The following KLF12 variants were observed in gnomAD, a reference collection of about 807,000 sequenced individuals.
KLF12 encodes Krueppel-like factor 12.
Under a neutral mutation model 37.8 loss-of-function variants are expected in KLF12, and 9 were observed. The observed-to-expected ratio is 0.24, with a 90% CI of 0.14 to 0.42. The LOEUF is 0.42. Among genes scored for constraint, KLF12 ranks in the 10% least tolerant of loss-of-function variants. The pLI is 1.00. For missense variants in KLF12, 411 were observed against 516.0 expected (o/e 0.80, Z 1.97); for synonymous variants, 208 against 202.1 (o/e 1.03, Z -0.25).
the KLF12 span, among the ~76,000 whole-genome samples, chr13:74,271,172 G>A: frequency 5.9e-5 from 9 of 152,112 alleles, 1 homozygote; most frequent in Admixed American, 6.6e-5. Context: ...GTCTGAGGTG[G>A]AACAGTTTCA....
chr13:73,996,423 T>G (rs1226393551), intron 1 of KLF12, among the ~76,000 whole-genome samples: 1 of 152,210 alleles, frequency 6.6e-6, no homozygotes, highest in Non-Finnish European at 1.5e-5. Flanking sequence ...TCTAATCCAA[T>G]CGGTTCCAAC....
At chr13:73,890,521 T>C (rs540446923) in intron 3 of KLF12, among the ~76,000 whole-genome samples, 1 of 152,242 alleles carries the variant, frequency 6.6e-6, no homozygotes, top group African/African-American at 2.4e-5. Flanking sequence ...GGGGAAATCA[T>C]TTTAATTTTC....
intron 1 of KLF12, among the ~76,000 whole-genome samples, chr13:74,114,676 C>G (rs1877187155): frequency 1.3e-5 from 2 of 152,122 alleles, no homozygotes; most frequent in Non-Finnish European, 2.9e-5. Flanking sequence ...ATGGCAGCAT[C>G]AAGTTGTCAA....
chr13:74,094,598 CTTTTCT>C (rs1183009703), intron 1 of KLF12, among the ~76,000 whole-genome samples: 2 of 148,952 alleles, frequency 1.3e-5, no homozygotes, highest in African/African-American at 2.4e-5. Flanking sequence ...GCTTTTCTAT[CTTTTCT>C]TTTTTTTTTT....
At chr13:73,872,539 T>C (rs1346656442) in intron 3 of KLF12, among the ~76,000 whole-genome samples, 1 of 152,098 alleles carries the variant, frequency 6.6e-6, no homozygotes, top group East Asian at 1.9e-4. Context: ...CAGGAAACTG[T>C]GACCACTGCT....
chr13:74,021,693 G>C (rs1301208299), intron 1 of KLF12, among the ~76,000 whole-genome samples: 2 of 152,156 alleles, frequency 1.3e-5, no homozygotes, highest in Non-Finnish European at 2.9e-5. Context: ...TATTCAGGAA[G>C]TCGCTTGCCA....
intron 3 of KLF12, among the ~76,000 whole-genome samples, chr13:73,928,463 G>A (rs562040426): frequency 6.6e-5 from 10 of 152,246 alleles, no homozygotes; most frequent in Admixed American, 5.2e-4. Context: ...TATGCAAGGG[G>A]TATATACAAA....
chr13:73,879,899 CTT>C (rs1195980666), intron 3 of KLF12, among the ~76,000 whole-genome samples: 1 of 152,180 alleles, frequency 6.6e-6, no homozygotes, highest in Non-Finnish European at 1.5e-5. Context: ...AAATAAAATA[CTT>C]ACTCTTCATA....
intron 6 of KLF12, among the ~76,000 whole-genome samples, chr13:73,744,028 T>A (rs544319447): frequency 2.6e-5 from 4 of 152,346 alleles, no homozygotes; most frequent in African/African-American, 9.6e-5. Context: ...TGGAAACTCT[T>A]CTTATGTAAG....
intron 1 of KLF12, among the ~76,000 whole-genome samples, chr13:74,054,819 G>A (rs1021651545): frequency 1.3e-5 from 2 of 152,024 alleles, no homozygotes; most frequent in Non-Finnish European, 2.9e-5. Context: ...CAATGTCTAC[G>A]ATCTTAAGAA....
At chr13:74,265,855 A>C in the KLF12 span, among the ~76,000 whole-genome samples, 1 of 152,256 alleles carries the variant, frequency 6.6e-6, no homozygotes, top group African/African-American at 2.4e-5. Context: ...TACTAAAAGA[A>C]AAACCAAGAG....
At chr13:73,711,760 T>C (rs1875414780) in intron 7 of KLF12, among the ~76,000 whole-genome samples, 1 of 152,190 alleles carries the variant, frequency 6.6e-6, no homozygotes, top group African/African-American at 2.4e-5. Flanking sequence ...CAAGGAGTCA[T>C]TTTGACTTTT....
chr13:73,697,458 A>T (rs1874230021), intron 7 of KLF12, among the ~76,000 whole-genome samples: 1 of 152,232 alleles, frequency 6.6e-6, no homozygotes, highest in African/African-American at 2.4e-5. Flanking sequence ...ACAAAACTGC[A>T]TTTGCATGTG....
chr13:73,704,579 G>A (rs1874794113), intron 7 of KLF12, among the ~76,000 whole-genome samples: 1 of 152,086 alleles, frequency 6.6e-6, no homozygotes, highest in African/African-American at 2.4e-5. Flanking sequence ...CTTTTACCAG[G>A]ACCAGTTTCT....
In KLF12 at chr13:73,817,941, C is replaced by G. The variant is rs536331960; in HGVS notation, c.671-4654G>C. Among the ~76,000 whole-genome samples, 3 of 152,334 alleles carry G rather than the reference C, an allele frequency of 2.0e-5. No individual in the cohort carries two copies. The East Asian group carries it at 5.8e-4, about 29-fold the overall frequency. ...ACTTTTAACAACATTCTTCTTTATT[C>G]TCCTCCCAAGAACCAACCTTGTTTT... On this transcript the variant is annotated intron_variant, in intron 4 of 7. Transcript: ENST00000377669.
intron 1 of KLF12, among the ~76,000 whole-genome samples, chr13:74,060,327 A>T (rs1409840314): frequency 6.6e-6 from 1 of 151,970 alleles, no homozygotes; most frequent in Non-Finnish European, 1.5e-5. Flanking sequence ...AATTGTGTCG[A>T]ATCTGTAGAT....
At chr13:74,155,869 C>T in the KLF12 span, among the ~76,000 whole-genome samples, 1 of 152,008 alleles carries the variant, frequency 6.6e-6, no homozygotes, top group Admixed American at 6.6e-5. Flanking sequence ...GGTTTCAGCC[C>T]AAGTGATTTC....
At chr13:73,822,501 TAGA>T (rs1883584712) in intron 4 of KLF12, among the ~76,000 whole-genome samples, 1 of 152,174 alleles carries the variant, frequency 6.6e-6, no homozygotes, top group Admixed American at 6.5e-5. Flanking sequence ...AGGCCCAGGC[TAGA>T]GGATCATTTG....
At chr13:74,241,751 G>A in the KLF12 span, among the ~76,000 whole-genome samples, 4 of 152,190 alleles carry the variant, frequency 2.6e-5, no homozygotes, top group African/African-American at 7.2e-5. Flanking sequence ...GACTCAGAAA[G>A]GGAACTCCCT....
Sources: allele counts gnomAD v4.1 joint callset (sites outside exome capture counted in the v4.1 genomes callset), GRCh38; gene constraint gnomAD v4.1.1; transcripts MANE v1.5; gene names NCBI Gene and HGNC (gene_info 2026-07-23, HGNC 2026-07-21).